PTCHD4: variants seen among roughly 807,000 people sequenced by gnomAD.
The protein encoded by PTCHD4 is patched domain containing 4, also known as patched domain-containing protein 4.
A neutral mutation model predicts 58.1 loss-of-function variants in PTCHD4; 33 were observed. The observed-to-expected ratio is 0.57, with a 90% CI of 0.43 to 0.76. The LOEUF (loss-of-function observed/expected upper bound fraction) is 0.76, where lower values mean the gene tolerates loss of function less well. Ranked by LOEUF, PTCHD4 falls within the 30% of genes least tolerant of loss-of-function variation. The probability of loss-of-function intolerance (pLI) is 0.00; values close to 1 mark genes in which losing one functional copy is unlikely to be tolerated. For synonymous variants in PTCHD4, 478 were observed against 409.6 expected (o/e 1.17, Z -2.02); for missense variants, 1,058 against 1,027.1 (o/e 1.03, Z -0.41).
Position 48,063,031 on chromosome 6 carries a change from C to T in PTCHD4, c.417+5199G>A, listed in dbSNP as rs145887166. ...AACCTAGGTCTCATAGAACTCAGGT[C>T]TCCTGAATATTTCTCAATTTAGAGC... On this transcript the variant is annotated intron_variant, in intron 3 of 4. Transcript: ENST00000339488. Among the ~76,000 whole-genome samples, 9 of 152,292 alleles carry T rather than the reference C, an allele frequency of 5.9e-5. No individual in the cohort carries two copies. In the East Asian group the frequency reaches 1.7e-3, roughly 29 times the overall value.
rs142782294 is a variant in PTCHD4 at position 47,923,361 on chromosome 6, C to T, written c.899-43425G>A. On this transcript the variant is annotated intron_variant, in intron 4 of 4. Coordinates refer to ENST00000339488, the MANE Select transcript of PTCHD4 (RefSeq NM_001384253.1). ...TTCATTGGGAATTCTTATAGTCTTA[C>T]TACTCTTTCCACCAACACAATCAAA... is the stretch of plus-strand genomic sequence containing the variant. Among the ~76,000 whole-genome samples, 459 of 152,232 alleles carry T rather than the reference C, an allele frequency of 3.0e-3. 1 individual carries two copies. The highest frequency in any genetic ancestry group is 5.2e-3 in the South Asian group (25 of 4,822).
rs1256825596 is a variant in PTCHD4, at chr6:48,104,267, A to G, written c.-970+6782T>C. 5.3e-5 allele frequency among the ~76,000 whole-genome samples: 8 copies of G among 152,364 alleles called. No individual in the cohort carries two copies. In the East Asian group the frequency reaches 1.3e-3, roughly 26 times the overall value. On this transcript the variant is annotated intron_variant, in intron 1 of 4. Transcript: ENST00000339488. ...CAGCTGATCTCTCGGCAGAAACTCT[A>G]CAAGCCAGAAGAGAGTGGAGGCCAA...
chr6:47,995,642 A>T (rs1768458726), intron 4 of PTCHD4, among the ~76,000 whole-genome samples: 1 of 152,240 alleles, frequency 6.6e-6, no homozygotes, highest in Admixed American at 6.5e-5. Context: ...GGAATACAAC[A>T]AAATTACAGA....
intron 4 of PTCHD4, among the ~76,000 whole-genome samples, chr6:48,007,936 G>GCACGCACACA (rs1554167576): frequency 4.7e-5 from 7 of 150,354 alleles, no homozygotes; most frequent in African/African-American, 1.7e-4. Flanking sequence ...GTGCGCGCGC[G>GCACGCACACA]CACACACACA....
At chr6:48,061,993 A>G (rs1764643940) in intron 3 of PTCHD4, among the ~76,000 whole-genome samples, 1 of 147,804 alleles carries the variant, frequency 6.8e-6, no homozygotes, top group African/African-American at 2.5e-5. Flanking sequence ...AAAAATATTT[A>G]TATTGAGCCT....
intron 1 of PTCHD4, among the ~76,000 whole-genome samples, chr6:48,095,646 G>A (rs1030227285): frequency 1.0e-4 from 15 of 150,554 alleles, no homozygotes; most frequent in Admixed American, 2.7e-4. Flanking sequence ...CCAAGATTGC[G>A]CCACTGCACT....
Position 47,879,943 on chromosome 6 carries a change from T to C in PTCHD4, c.899-7A>G. 6.7e-7 allele frequency: 1 copy of C among 1,486,018 alleles called. No individual in the cohort carries two copies. The highest frequency in any genetic ancestry group is 8.9e-7 in the Non-Finnish European group (1 of 1,118,322). 92.1% of individuals were successfully genotyped at this position (1,486,018 alleles called of 1,614,324 possible). A position where few individuals can be genotyped will look rare whatever the true frequency, so the allele number is the denominator to read the frequency against. The stretch of plus-strand genomic sequence containing the variant: ...ACTCCTTTAGTTCCATGACCTAATG[T>C]TTTAAAAAAAGAAAATAATAATTAT... On this transcript the variant is annotated splice_polypyrimidine_tract_variant and splice_region_variant and intron_variant, in intron 4 of 4. Coordinates refer to ENST00000339488, the MANE Select transcript of PTCHD4 (RefSeq NM_001384253.1).
intron 3 of PTCHD4, among the ~76,000 whole-genome samples, chr6:48,036,135 A>C (rs1296620973): frequency 6.6e-6 from 1 of 152,130 alleles, no homozygotes; most frequent in Non-Finnish European, 1.5e-5. Context: ...ACACCAGGAA[A>C]ATGGCAAAAA....
At chr6:47,906,097 C>T (rs532850345) in intron 4 of PTCHD4, among the ~76,000 whole-genome samples, 1 of 152,314 alleles carries the variant, frequency 6.6e-6, no homozygotes, top group South Asian at 2.1e-4. Flanking sequence ...TCACAGAAGT[C>T]CAGGATCTCA....
chr6:47,951,528 T>C (rs1766650838), intron 4 of PTCHD4, among the ~76,000 whole-genome samples: 1 of 152,218 alleles, frequency 6.6e-6, no homozygotes, highest in South Asian at 2.1e-4. Context: ...CAGATTTTTA[T>C]TTGGCAGTAA....
At chr6:47,894,409 T>C (rs973775524) in intron 4 of PTCHD4, among the ~76,000 whole-genome samples, 1 of 152,214 alleles carries the variant, frequency 6.6e-6, no homozygotes, top group African/African-American at 2.4e-5. Context: ...GCTCTGGTTT[T>C]TATGCCAGGT....
At position 47,875,849 on chromosome 6, in the gene PTCHD4, G is replaced by T. The variant is rs1286727528; in HGVS notation, c.*2454C>A. 1.3e-5 allele frequency among the ~76,000 whole-genome samples: 2 copies of T among 151,646 alleles called. No individual in the cohort carries two copies. The highest frequency in any genetic ancestry group is 4.8e-5 in the African/African-American group (2 of 41,326). On this transcript the variant is annotated 3_prime_UTR_variant, in exon 5 of 5. Coordinates refer to ENST00000339488, the MANE Select transcript of PTCHD4 (RefSeq NM_001384253.1). Reference sequence around the variant, plus strand: ...GCCATTCTTCTTTGCATGCAGAATGGTCTATAGGAACCAAGAAAAAACCAA... The same window carrying T: ...GCCATTCTTCTTTGCATGCAGAATGTTCTATAGGAACCAAGAAAAAACCAA...
chr6:47,957,606 AT>A (rs1235401433), intron 4 of PTCHD4, among the ~76,000 whole-genome samples: 59 of 140,436 alleles, frequency 4.2e-4, no homozygotes, highest in Non-Finnish European at 3.1e-4. Context: ...TTTTATTTTT[AT>A]TTTTTTTTTT....
chr6:48,038,470 C>A (rs150220977), intron 3 of PTCHD4, among the ~76,000 whole-genome samples: 1,927 of 151,554 alleles, frequency 0.013, 42 homozygotes, highest in South Asian at 0.045. Flanking sequence ...GGTGAAACCC[C>A]ATCTCTACTT....
At chr6:48,002,572 A>G (rs1768773826) in intron 4 of PTCHD4, among the ~76,000 whole-genome samples, 1 of 151,318 alleles carries the variant, frequency 6.6e-6, no homozygotes, top group South Asian at 2.1e-4. Flanking sequence ...GAACACATGG[A>G]CACAGGAAGG....
At chr6:47,981,938 T>G (rs1166764044) in intron 4 of PTCHD4, among the ~76,000 whole-genome samples, 1 of 150,596 alleles carries the variant, frequency 6.6e-6, no homozygotes, top group East Asian at 1.9e-4. Flanking sequence ...TCCTAACGTT[T>G]TATGGTAGTA....
intron 3 of PTCHD4, among the ~76,000 whole-genome samples, chr6:48,033,773 C>T (rs564690917): frequency 2.1e-4 from 32 of 152,052 alleles, no homozygotes; most frequent in South Asian, 1.0e-3. Flanking sequence ...AGTGTTTTTA[C>T]ATAGTTTCTG....
intron 3 of PTCHD4, among the ~76,000 whole-genome samples, chr6:48,015,005 G>C (rs769756204): frequency 6.6e-6 from 1 of 152,122 alleles, no homozygotes; most frequent in Non-Finnish European, 1.5e-5. Flanking sequence ...TAAGGCAACT[G>C]CCTAGCAATG....
intron 1 of PTCHD4, among the ~76,000 whole-genome samples, chr6:48,106,862 A>G (rs1562052246): frequency 6.6e-6 from 1 of 152,150 alleles, no homozygotes; most frequent in Non-Finnish European, 1.5e-5. Context: ...TTGCTTCAAA[A>G]GAATAAAATA....
Sources: allele counts gnomAD v4.1 joint callset (sites outside exome capture counted in the v4.1 genomes callset), GRCh38; gene constraint gnomAD v4.1.1; transcripts MANE v1.5; gene names NCBI Gene and HGNC (gene_info 2026-07-23, HGNC 2026-07-21).